The following F13B variants were observed in gnomAD, a reference collection of about 807,000 sequenced individuals.
The protein encoded by F13B is TGase.
F13B carries 58 observed loss-of-function variants against 79.8 expected under a neutral mutation model. That is an observed-to-expected ratio of 0.73 (90% CI 0.59 to 0.90). The LOEUF (loss-of-function observed/expected upper bound fraction) is 0.90. F13B is among the 40% of genes least tolerant of loss of function. The pLI, the probability that F13B is intolerant of heterozygous loss-of-function variation, is 0.00. For synonymous variants in F13B, 283 were observed against 260.3 expected, an observed-to-expected ratio of 1.09 and a Z score of -0.84; for missense variants, 773 against 777.0, an observed-to-expected ratio of 0.99 and a Z score of 0.06.
chr1:197,047,151 T>C (rs1571554275), intron 10 of F13B, among the ~76,000 whole-genome samples: 1 of 152,008 alleles, frequency 6.6e-6, no homozygotes, highest in African/African-American at 2.4e-5. Context: ...AAAGCCAAAA[T>C]AGACAAATGG....
At chr1:197,049,785 A>T in intron 10 of F13B, among the ~76,000 whole-genome samples, 1 of 152,142 alleles carries the variant, frequency 6.6e-6, no homozygotes, top group East Asian at 1.9e-4. Flanking sequence ...TAAAATATTG[A>T]TAAATAAAAA....
At chr1:197,044,203 C>A (rs1026490206) in intron 10 of F13B, among the ~76,000 whole-genome samples, 3 of 152,000 alleles carry the variant, frequency 2.0e-5, no homozygotes, top group Non-Finnish European at 4.4e-5. Context: ...TCTTAGCCAC[C>A]GACAGACCAG....
chr1:197,061,447 G>A (rs182695474), intron 3 of F13B, among the ~76,000 whole-genome samples: 34 of 151,960 alleles, frequency 2.2e-4, no homozygotes, highest in Non-Finnish European at 3.5e-4. Context: ...ATCTGACATT[G>A]GTTCACAATA....
chr1:197,047,969 A>G (rs61819060), intron 10 of F13B, among the ~76,000 whole-genome samples: 500 of 152,222 alleles, frequency 3.3e-3, no homozygotes, highest in Non-Finnish European at 5.3e-3. Context: ...GGCAGGGAAT[A>G]TCAAACACCA....
At chr1:197,045,949 C>A (rs1000016618) in intron 10 of F13B, among the ~76,000 whole-genome samples, 4 of 152,014 alleles carry the variant, frequency 2.6e-5, no homozygotes, top group Admixed American at 1.3e-4. Flanking sequence ...AAAAAGCCTT[C>A]GACAAAATTC....
intron 1 of F13B, among the ~76,000 whole-genome samples, chr1:197,065,349 A>T (rs1453073796): frequency 1.3e-5 from 2 of 152,202 alleles, no homozygotes; most frequent in Non-Finnish European, 2.9e-5. Context: ...CAAAAAATTA[A>T]TGAGAAATGT....
chr1:197,062,005 A>G (rs1343901255), intron 2 of F13B, 36 bp from the exon 3 acceptor site: 1 of 1,539,858 alleles, frequency 6.5e-7, no homozygotes, highest in South Asian at 1.1e-5. Flanking sequence ...TAATGATGAA[A>G]CTAAGCTTGT....
chr1:197,058,337 A>G (rs964511801), intron 5 of F13B, among the ~76,000 whole-genome samples: 7 of 152,252 alleles, frequency 4.6e-5, no homozygotes, highest in African/African-American at 1.7e-4. Context: ...CTACTTTCCT[A>G]TTGCTGCTTT....
At position 197,039,419 on chromosome 1, in the gene F13B, G is replaced by A; in HGVS notation, c.1953-8C>T. ...TCTTGATAAGACAGAGTGCTTGAGG[G>A]GAAAAAGAGAGATTTTTGAAATAAG... is the stretch of plus-strand genomic sequence containing the variant. On this transcript the variant is annotated splice_polypyrimidine_tract_variant and splice_region_variant and intron_variant, in intron 11 of 11. Coordinates refer to ENST00000367412, the MANE Select transcript of F13B (RefSeq NM_001994.3). 1 of 1,607,732 alleles carries A rather than the reference G, an allele frequency of 6.2e-7. No homozygotes were observed.
intron 11 of F13B, 111 bp downstream of exon 11, chr1:197,040,411 T>G: frequency 1.4e-6 from 1 of 713,388 alleles, no homozygotes; most frequent in East Asian, 2.7e-5. Context: ...TTATTATTTT[T>G]TCTTTGCAAT....
chr1:197,047,192 G>A (rs1655265102), intron 10 of F13B, among the ~76,000 whole-genome samples: 1 of 152,124 alleles, frequency 6.6e-6, no homozygotes, highest in Non-Finnish European at 1.5e-5. Context: ...CTTCTGCACA[G>A]CAAAAGAAAC....
rs546317331 is a variant in F13B, at chr1:197,044,515, T to G, written c.1739-3780A>C. Among the ~76,000 whole-genome samples the G allele has an allele frequency of 3.3e-5, 5 of 152,228 alleles. No individual in the cohort carries two copies. In the South Asian group the frequency reaches 8.3e-4, roughly 25 times the overall value. ...GCACCCAGGTTAATAAAGCAAGTCC[T>G]TAGAGACCTGCAAAGAGATTTAGAC... is the stretch of plus-strand genomic sequence containing the variant. On this transcript the variant is annotated intron_variant, in intron 10 of 11. Transcript: ENST00000367412.
In F13B at chr1:197,060,560, A is replaced by G; in HGVS notation, c.629-18T>C. 6.6e-7 allele frequency: 1 copy of G among 1,504,082 alleles called. No individual in the cohort carries two copies. 93.2% of individuals were successfully genotyped at this position (1,504,082 alleles called of 1,614,324 possible). ...CTTTAATTCTGCAAATAAAAGAATG[A>G]ATAAAATTACAAACAAATGTTTATT... On this transcript the variant is annotated intron_variant, in intron 4 of 11. Coordinates refer to ENST00000367412, the MANE Select transcript of F13B (RefSeq NM_001994.3).
chr1:197,066,929 G>A (rs1431711550), intron 1 of F13B, among the ~76,000 whole-genome samples: 1 of 152,060 alleles, frequency 6.6e-6, no homozygotes, highest in Non-Finnish European at 1.5e-5. Flanking sequence ...GCCCCCTAGA[G>A]ATACAAGGGT....
At position 197,063,050 on chromosome 1, in the gene F13B, G is replaced by A. The variant is rs1303213337; in HGVS notation, c.72C>T (p.Pro24=). The A allele has an allele frequency of 1.2e-6, 2 of 1,610,794 alleles. No homozygotes were observed. Among genetic ancestry groups the A allele is most frequent in the East Asian group, 4.5e-5 (2 of 44,836 alleles). Residue 24 remains proline, a synonymous_variant, in exon 2 of 12, where the codon CCC becomes CCT. Transcript: ENST00000367412. ...CATTTTCCACATGAGGAAAACCACAGGGTTTCTCTGAAATGAGTAAATGTC... is the reference window on the plus strand; with the variant it reads ...CATTTTCCACATGAGGAAAACCACAAGGTTTCTCTGAAATGAGTAAATGTC... ...ISGELYAEEK[P]CGFPHVENGR... is the part of the protein sequence containing the mutation.
chr1:197,061,271 G>C (rs956241050), intron 3 of F13B, among the ~76,000 whole-genome samples, 196 bp from the exon 4 acceptor site: 2 of 151,982 alleles, frequency 1.3e-5, no homozygotes, highest in Non-Finnish European at 2.9e-5. Flanking sequence ...CCAGTTTTCT[G>C]TTTTTAAAAT....
intron 5 of F13B, among the ~76,000 whole-genome samples, chr1:197,058,739 C>T (rs907839479): frequency 6.6e-6 from 1 of 151,998 alleles, no homozygotes; most frequent in Non-Finnish European, 1.5e-5. Flanking sequence ...TGTAAGGTAA[C>T]GTTTAATGGT....
In F13B at chr1:197,055,868, C is replaced by A; in HGVS notation, c.1201G>T (p.Val401Phe). 1 of 1,613,428 alleles carries A rather than the reference C, an allele frequency of 6.2e-7. No individual in the cohort carries two copies. Among genetic ancestry groups the A allele is most frequent in the Non-Finnish European group, 8.5e-7 (1 of 1,179,674 alleles). ...TCTGCAACAGCCCCATTCATTACAA[C>A]AGGAGGATGCTTACAATTCTCATTA... ...ENNENCKHPPVVMNGAVADGI... is the reference protein window; with the variant it reads ...ENNENCKHPPFVMNGAVADGI... Residue 401 changes from valine (V) to phenylalanine (F), a missense_variant, in exon 8 of 12, where the codon GTT (valine) becomes TTT (phenylalanine). Coordinates refer to ENST00000367412, the MANE Select transcript of F13B (RefSeq NM_001994.3).
chr1:197,061,926 A>G lies in F13B; in HGVS notation c.309T>C (p.Asp103=). Residue 103 remains aspartate (D), a synonymous_variant, in exon 3 of 12, where the codon GAT becomes GAC. Coordinates refer to ENST00000367412, the MANE Select transcript of F13B (RefSeq NM_001994.3). ...KPDLSNGYIS[D]VKLLYKIQEN... is the part of the protein sequence containing the mutation. ...CTTGAATTTTATACAATAACTTTAC[A>G]TCAGAGATGTAACCATTACTCAGGT... The G allele has an allele frequency of 6.2e-7, 1 of 1,612,972 alleles. No individual in the cohort carries two copies. Among genetic ancestry groups the G allele is most frequent in the Non-Finnish European group, 8.5e-7 (1 of 1,179,368 alleles).
Sources: allele counts gnomAD v4.1 joint callset (sites outside exome capture counted in the v4.1 genomes callset), GRCh38; gene constraint gnomAD v4.1.1; transcripts MANE v1.5; gene names NCBI Gene and HGNC (gene_info 2026-07-23, HGNC 2026-07-21).